CREB3L2: variants seen among roughly 807,000 people sequenced by gnomAD.
CREB3L2 encodes the protein cAMP responsive element binding protein 3 like 2, also known as cyclic AMP-responsive element-binding protein 3-like protein 2.
CREB3L2 carries 23 observed loss-of-function variants against 57.2 expected under a neutral mutation model. That is an observed-to-expected ratio of 0.40 (90% CI 0.29 to 0.57). The LOEUF is 0.57. Ranked by LOEUF, CREB3L2 falls within the 20% of genes least tolerant of loss-of-function variation. The pLI is 0.42. For missense variants in CREB3L2, 628 were observed against 634.7 expected, an observed-to-expected ratio of 0.99 and a Z score of 0.11; for synonymous variants, 268 against 265.1, an observed-to-expected ratio of 1.01 and a Z score of -0.11.
At chr7:137,889,226 A>G (rs1187620991) in intron 8 of CREB3L2, among the ~76,000 whole-genome samples, 1 of 152,198 alleles carries the variant, frequency 6.6e-6, no homozygotes, top group African/African-American at 2.4e-5. Context: ...ACAGACTTTC[A>G]GCAGGCCAGC....
chr7:137,928,015 C>T (rs754882669), intron 2 of CREB3L2, 135 bp downstream of exon 2: 3 of 747,472 alleles, frequency 4.0e-6, no homozygotes, highest in Non-Finnish European at 6.8e-6. Flanking sequence ...AGCCCAAGCA[C>T]AAGGCCGTAC....
chr7:137,892,370 G>T (rs1267992484), intron 8 of CREB3L2, among the ~76,000 whole-genome samples: 1 of 151,226 alleles, frequency 6.6e-6, no homozygotes, highest in Non-Finnish European at 1.5e-5. Context: ...AAACAACTTG[G>T]TCAGGCACGG....
Position 137,882,020 on chromosome 7 carries a change from C to T in CREB3L2, c.1487+392G>A, listed in dbSNP as rs1799303301. Among the ~76,000 whole-genome samples, 4 of 152,110 alleles carry T rather than the reference C, an allele frequency of 2.6e-5. No homozygotes were observed. In the South Asian group the frequency reaches 8.3e-4, roughly 32 times the overall value. On this transcript the variant is annotated intron_variant, in intron 11 of 11. Coordinates refer to ENST00000330387, the MANE Select transcript of CREB3L2 (RefSeq NM_194071.4). Reference sequence around the variant, plus strand: ...CATATAGCACAATATATATCTACTCCCTAGTTGAAGCCATGAAACATGTCT... The same window carrying T: ...CATATAGCACAATATATATCTACTCTCTAGTTGAAGCCATGAAACATGTCT...
At chr7:137,908,106 A>G in intron 5 of CREB3L2, 146 bp downstream of exon 5, 1 of 489,244 alleles carries the variant, frequency 2.0e-6, no homozygotes, top group Non-Finnish European at 3.4e-6. Context: ...TTTAGGGTTG[A>G]CATCACTCTG....
intron 5 of CREB3L2, among the ~76,000 whole-genome samples, chr7:137,906,892 C>T (rs117723406): frequency 7.2e-5 from 11 of 152,348 alleles, no homozygotes; most frequent in South Asian, 4.1e-4. Flanking sequence ...TCCCTAGCCA[C>T]GTGGAACTGT....
intron 1 of CREB3L2, among the ~76,000 whole-genome samples, chr7:137,972,728 T>TAC (rs1801536032): frequency 3.4e-5 from 1 of 29,812 alleles, no homozygotes; most frequent in Non-Finnish European, 5.4e-5. Flanking sequence ...TATATATATA[T>TAC]ATATATATAG....
At position 137,940,726 on chromosome 7, in the gene CREB3L2, C is replaced by T. The variant is rs115061109; in HGVS notation, c.103-12360G>A. 5.3e-3 allele frequency among the ~76,000 whole-genome samples: 800 copies of T among 152,276 alleles called. 4 individuals carry two copies. Among genetic ancestry groups the T allele is most frequent in the African/African-American group, 0.018 (767 of 41,544 alleles). On this transcript the variant is annotated intron_variant, in intron 1 of 11. Coordinates refer to ENST00000330387, the MANE Select transcript of CREB3L2 (RefSeq NM_194071.4). ...AAAAACATCAGGTATGAAACACTAA[C>T]GGGCGATGAAGTTTGTGGGAAAAAA...
intron 1 of CREB3L2, chr7:137,955,362 C>T (rs774407845): frequency 2.8e-5 from 35 of 1,236,122 alleles, no homozygotes; most frequent in Admixed American, 1.4e-4. Context: ...TGGGGGAGGG[C>T]GAAGATGGCA....
At chr7:137,931,623 G>A (rs1261377663) in intron 1 of CREB3L2, among the ~76,000 whole-genome samples, 1 of 151,834 alleles carries the variant, frequency 6.6e-6, no homozygotes, top group South Asian at 2.1e-4. Flanking sequence ...CTTGAGGTCA[G>A]GAGTTCGAGG....
chr7:137,882,723 CAA>C, intron 10 of CREB3L2, 95 bp from the exon 11 acceptor site: 1 of 833,550 alleles, frequency 1.2e-6, no homozygotes. Context: ...TGGCAGATGA[CAA>C]TGTGTGTGTT....
chr7:137,903,467 T>C (rs192270341), intron 7 of CREB3L2, among the ~76,000 whole-genome samples: 3 of 152,074 alleles, frequency 2.0e-5, no homozygotes, highest in Admixed American at 2.0e-4. Context: ...AGAACAAAGA[T>C]TGCCTTCAAG....
At chr7:137,943,442 G>A (rs1160333589) in intron 1 of CREB3L2, among the ~76,000 whole-genome samples, 1 of 152,100 alleles carries the variant, frequency 6.6e-6, no homozygotes, top group East Asian at 1.9e-4. Context: ...AACCAGACAG[G>A]CTTTATCAGA....
intron 5 of CREB3L2, among the ~76,000 whole-genome samples, chr7:137,907,986 A>G (rs1441782413): frequency 1.3e-5 from 2 of 152,234 alleles, no homozygotes; most frequent in Non-Finnish European, 2.9e-5. Flanking sequence ...CCTCATGTCT[A>G]TAGCTCTGTA....
chr7:137,964,562 G>T (rs1801378715), intron 1 of CREB3L2, among the ~76,000 whole-genome samples: 1 of 152,128 alleles, frequency 6.6e-6, no homozygotes, highest in African/African-American at 2.4e-5. Flanking sequence ...TCAGTTAAAG[G>T]CTTTCTTTGT....
intron 8 of CREB3L2, among the ~76,000 whole-genome samples, chr7:137,887,449 C>G (rs1455231107): frequency 6.6e-6 from 1 of 152,196 alleles, no homozygotes; most frequent in Non-Finnish European, 1.5e-5. Context: ...TGGCTCACGC[C>G]TGTAATCCCA....
In CREB3L2 at chr7:137,988,672, T is replaced by C. The variant is rs187914835; in HGVS notation, c.102+12932A>G. ...GTTAATGAGTACAAAGGCTATCCTTTTGCAAAGCCCCAAAACTAAGAACTG... is the reference window on the plus strand; with the variant it reads ...GTTAATGAGTACAAAGGCTATCCTTCTGCAAAGCCCCAAAACTAAGAACTG... On this transcript the variant is annotated intron_variant, in intron 1 of 11. Transcript: ENST00000330387. Among the ~76,000 whole-genome samples the C allele has an allele frequency of 3.4e-3, 519 of 152,290 alleles. 3 individuals carry two copies. Among genetic ancestry groups the C allele is most frequent in the African/African-American group, 0.012 (493 of 41,556 alleles).
At chr7:137,953,610 T>A in intron 1 of CREB3L2, 1 of 968,294 alleles carries the variant, frequency 1.0e-6, no homozygotes, top group Non-Finnish European at 1.4e-6. Flanking sequence ...TCATCTCTGT[T>A]GGAAAGTCCT....
intron 5 of CREB3L2, 96 bp from the exon 6 acceptor site, chr7:137,905,944 T>C (rs1799883922): frequency 1.6e-6 from 2 of 1,245,332 alleles, no homozygotes; most frequent in Admixed American, 2.3e-5. Flanking sequence ...TGTTACAATG[T>C]CTTACAGAAG....
intron 1 of CREB3L2, among the ~76,000 whole-genome samples, chr7:137,958,844 A>T (rs1801266464): frequency 1.3e-5 from 2 of 152,208 alleles, no homozygotes; most frequent in Non-Finnish European, 2.9e-5. Context: ...GGTCAGGATT[A>T]AATCCAAGGA....
Sources: gnomAD v4.1 joint callset for allele counts (sites outside exome capture counted in the v4.1 genomes callset) on GRCh38, gnomAD v4.1.1 for gene constraint, MANE v1.5 for transcripts, NCBI Gene and HGNC (gene_info 2026-07-23, HGNC 2026-07-21) for gene names.